Variants in BICD1 observed in about 807,000 individuals in gnomAD.
BICD1 encodes the protein BICD cargo adaptor 1, also known as protein bicaudal D homolog 1.
Under a neutral mutation model 92.5 loss-of-function variants are expected in BICD1, and 35 were observed. That is an observed-to-expected ratio of 0.38 (90% confidence interval 0.29 to 0.50). The LOEUF is 0.50. Ranked by LOEUF, BICD1 falls within the 20% of genes least tolerant of loss-of-function variation. The pLI, the probability that BICD1 is intolerant of heterozygous loss-of-function variation, is 0.93. For missense variants in BICD1, 950 were observed against 1,189.8 expected, an observed-to-expected ratio of 0.80 and a Z score of 2.97; for synonymous variants, 429 against 465.1, an observed-to-expected ratio of 0.92 and a Z score of 1.00.
In BICD1 at chr12:32,273,948, G is replaced by A. The variant is rs75121177; in HGVS notation, c.427-20046G>A. Reference sequence around the variant, plus strand: ...CCAGGCTCCTCCCCGCTGAACAAGCGTAAACTTCTCTTGGCTCCACCCTCT... The same window carrying A: ...CCAGGCTCCTCCCCGCTGAACAAGCATAAACTTCTCTTGGCTCCACCCTCT... On this transcript the variant is annotated intron_variant, in intron 2 of 9. Coordinates refer to ENST00000652176, the MANE Select transcript of BICD1 (RefSeq NM_001714.4). 1.0e-2 allele frequency among the ~76,000 whole-genome samples: 1,521 copies of A among 152,284 alleles called. 29 individuals are homozygous for A. The highest frequency in any genetic ancestry group is 0.034 in the African/African-American group (1,429 of 41,550).
At chr12:32,269,826 A>T (rs1409665576) in intron 2 of BICD1, among the ~76,000 whole-genome samples, 1 of 152,090 alleles carries the variant, frequency 6.6e-6, no homozygotes, top group African/African-American at 2.4e-5. Flanking sequence ...CACACATATG[A>T]TCATTCACAA....
At chr12:32,218,045 TC>T (rs1945409783) in intron 2 of BICD1, among the ~76,000 whole-genome samples, 1 of 152,090 alleles carries the variant, frequency 6.6e-6, no homozygotes, top group Admixed American at 6.6e-5. Flanking sequence ...AAAGCTGCAA[TC>T]CCCATTGTGT....
intron 1 of BICD1, among the ~76,000 whole-genome samples, chr12:32,142,453 CCTATCTATCTATCTATCTAT>C (rs71065001): frequency 1.8e-5 from 2 of 112,882 alleles, no homozygotes; most frequent in Non-Finnish European, 3.4e-5. Context: ...ACCTATCTAT[CCTATCTATCTATCTATCTAT>C]CTATCTATCT....
At chr12:32,327,424 C>T in intron 4 of BICD1, 37 bp from the exon 5 acceptor site, 1 of 1,567,370 alleles carries the variant, frequency 6.4e-7, no homozygotes. Flanking sequence ...TTGGTGCTGC[C>T]TTGAGGTGAT....
intron 6 of BICD1, 148 bp downstream of exon 6, chr12:32,334,815 C>T: frequency 1.2e-6 from 1 of 863,308 alleles, no homozygotes; most frequent in South Asian, 2.7e-5. Context: ...TCCACTCTGA[C>T]GTATCTAAAA....
intron 2 of BICD1, among the ~76,000 whole-genome samples, chr12:32,267,914 C>T (rs184949857): frequency 9.6e-4 from 146 of 152,300 alleles, no homozygotes; most frequent in African/African-American, 3.2e-3. Context: ...AGTGATCCGC[C>T]GCAGCCTCCT....
In BICD1 at chr12:32,122,715, A is replaced by G. The variant is rs151027941; in HGVS notation, c.213+15171A>G. Reference sequence around the variant, plus strand: ...ATTTAGACCAGGGTCTCAAAACAACAATTACATTTTTAGATAATGGTCACA... The same window carrying G: ...ATTTAGACCAGGGTCTCAAAACAACGATTACATTTTTAGATAATGGTCACA... On this transcript the variant is annotated intron_variant, in intron 1 of 9. Coordinates refer to ENST00000652176, the MANE Select transcript of BICD1 (RefSeq NM_001714.4). 6.3e-3 allele frequency among the ~76,000 whole-genome samples: 965 copies of G among 152,334 alleles called. 11 individuals are homozygous for G. The highest frequency in any genetic ancestry group is 0.022 in the African/African-American group (927 of 41,552).
intron 8 of BICD1, among the ~76,000 whole-genome samples, chr12:32,360,145 T>C (rs2136319711): frequency 6.6e-6 from 1 of 151,250 alleles, no homozygotes; most frequent in South Asian, 2.1e-4. Context: ...ACCACTGCAC[T>C]CCAGCCTGTG....
At chr12:32,234,925 T>C (rs181817620) in intron 2 of BICD1, among the ~76,000 whole-genome samples, 107 of 152,268 alleles carry the variant, frequency 7.0e-4, no homozygotes, top group African/African-American at 2.4e-3. Flanking sequence ...GCTCAAGCAG[T>C]CTGCCTGCCT....
chr12:32,316,863 A>C (rs973782708), intron 4 of BICD1, among the ~76,000 whole-genome samples: 85 of 150,764 alleles, frequency 5.6e-4, no homozygotes, highest in Non-Finnish European at 8.3e-4. Context: ...CACTCTCCCC[A>C]CCCCACAACA....
chr12:32,165,484 C>T (rs1943730915), intron 1 of BICD1, among the ~76,000 whole-genome samples: 1 of 151,970 alleles, frequency 6.6e-6, no homozygotes, highest in Non-Finnish European at 1.5e-5. Flanking sequence ...CCACTGCACT[C>T]CAGCCTGGGC....
intron 1 of BICD1, among the ~76,000 whole-genome samples, chr12:32,215,726 G>T (rs1357466445): frequency 6.6e-6 from 1 of 151,912 alleles, no homozygotes; most frequent in African/African-American, 2.4e-5. Flanking sequence ...GAGACGGGCG[G>T]ATCACAAGGT....
At chr12:32,137,950 ACCATG>A (rs1408774028) in intron 1 of BICD1, among the ~76,000 whole-genome samples, 1 of 152,010 alleles carries the variant, frequency 6.6e-6, no homozygotes, top group Non-Finnish European at 1.5e-5. Flanking sequence ...GGCACGCATC[ACCATG>A]CCTGGTTAAT....
chr12:32,344,370 A>G (rs1332713127), intron 8 of BICD1, among the ~76,000 whole-genome samples: 2 of 150,868 alleles, frequency 1.3e-5, no homozygotes, highest in Non-Finnish European at 2.9e-5. Context: ...GTGGACAGGG[A>G]CCTGAAGACA....
chr12:32,155,689 G>GA lies in BICD1; in HGVS notation c.213+48149dup, dbSNP rs771650450. 3.3e-5 allele frequency among the ~76,000 whole-genome samples: 5 copies of GA among 152,004 alleles called. No homozygotes were observed. In the South Asian group the frequency reaches 8.3e-4, roughly 25 times the overall value. On this transcript the variant is annotated intron_variant, in intron 1 of 9. Transcript: ENST00000652176. Reference sequence around the variant, plus strand: ...TCAAATTGCCTGAAAGAAAAAAAGGGAAAATAAGAAAATGCTTTCAGATTT... The same window carrying GA: ...TCAAATTGCCTGAAAGAAAAAAAGGGAAAAATAAGAAAATGCTTTCAGATTT...
intron 1 of BICD1, among the ~76,000 whole-genome samples, chr12:32,170,967 C>A (rs542005451): frequency 4.6e-5 from 7 of 152,122 alleles, no homozygotes; most frequent in East Asian, 1.9e-4. Flanking sequence ...TGTGACCTGA[C>A]CTTCAAATAT....
intron 2 of BICD1, among the ~76,000 whole-genome samples, chr12:32,266,480 CA>C (rs1476625791): frequency 6.6e-6 from 1 of 152,172 alleles, no homozygotes; most frequent in Non-Finnish European, 1.5e-5. Flanking sequence ...TGAGCTGCCA[CA>C]ACATCATCTA....
chr12:32,108,399 A>G (rs1010428728), intron 1 of BICD1: 5 of 309,948 alleles, frequency 1.6e-5, no homozygotes, highest in Non-Finnish European at 3.0e-5. Flanking sequence ...GGAGAAAACA[A>G]TGAACGTGCT....
intron 8 of BICD1, among the ~76,000 whole-genome samples, chr12:32,345,507 T>G (rs889839031): frequency 6.6e-6 from 1 of 152,120 alleles, no homozygotes; most frequent in African/African-American, 2.4e-5. Flanking sequence ...CATATAAATA[T>G]ATACATATAT....
Sources: gnomAD v4.1 joint callset for allele counts (sites outside exome capture counted in the v4.1 genomes callset) on GRCh38, gnomAD v4.1.1 for gene constraint, MANE v1.5 for transcripts, NCBI Gene and HGNC (gene_info 2026-07-23, HGNC 2026-07-21) for gene names.